The following ARB2A variants were observed in gnomAD, a reference collection of about 807,000 sequenced individuals.
ARB2A encodes the protein cotranscriptional regulator ARB2A.
the ARB2A span, among the ~76,000 whole-genome samples, chr5:94,001,304 TTTAG>T: frequency 5.3e-5 from 8 of 152,128 alleles, no homozygotes; most frequent in African/African-American, 1.9e-4. Flanking sequence ...TATTTAGTTC[TTTAG>T]TTTCTTTCAT....
chr5:93,694,196 A>G, the ARB2A span, among the ~76,000 whole-genome samples: 1 of 152,224 alleles, frequency 6.6e-6, no homozygotes, highest in Non-Finnish European at 1.5e-5. Flanking sequence ...CAGGGAGATC[A>G]GGCAAGAGAA....
chr5:94,050,738 A>G, the ARB2A span: 67 of 1,599,712 alleles, frequency 4.2e-5, no homozygotes, highest in Non-Finnish European at 5.7e-5. Context: ...TACCTCTCCT[A>G]GAGCCTCGTA....
the ARB2A span, among the ~76,000 whole-genome samples, chr5:93,682,242 TA>T: frequency 0.3 from 40,792 of 136,484 alleles, 5,616 homozygotes; most frequent in Non-Finnish European, 0.33. Context: ...CAGTCTAACT[TA>T]AAAAAAAAAA....
the ARB2A span, among the ~76,000 whole-genome samples, chr5:93,931,401 T>C: frequency 2.0e-5 from 3 of 152,006 alleles, no homozygotes; most frequent in Admixed American, 6.6e-5. Context: ...GAGGCGGAGA[T>C]TGCAGTGAGC....
chr5:93,683,575 C>G, the ARB2A span: 1 of 1,443,760 alleles, frequency 6.9e-7, no homozygotes, highest in South Asian at 1.1e-5. Flanking sequence ...CAGCCCTAAA[C>G]TGGCCGTTCT....
chr5:93,929,951 T>A, the ARB2A span, among the ~76,000 whole-genome samples: 1 of 152,190 alleles, frequency 6.6e-6, no homozygotes, highest in Non-Finnish European at 1.5e-5. Context: ...TCTTCACTAA[T>A]CAGCAGGGTT....
chr5:94,052,941 AG>A, the ARB2A span, among the ~76,000 whole-genome samples: 1 of 152,216 alleles, frequency 6.6e-6, no homozygotes, highest in African/African-American at 2.4e-5. Context: ...ACTTGAATGA[AG>A]AATTTCACCA....
chr5:94,091,825 T>C, the ARB2A span, among the ~76,000 whole-genome samples: 1 of 152,174 alleles, frequency 6.6e-6, no homozygotes, highest in Non-Finnish European at 1.5e-5. Flanking sequence ...GAGAGTATAA[T>C]TGACTGATAT....
chr5:93,691,551 A>T, the ARB2A span, among the ~76,000 whole-genome samples: 1 of 152,158 alleles, frequency 6.6e-6, no homozygotes, highest in Admixed American at 6.5e-5. Flanking sequence ...CCTGCGTTTG[A>T]CTGGTGTACC....
chr5:94,056,051 T>TA, the ARB2A span: 1 of 449,102 alleles, frequency 2.2e-6, no homozygotes, highest in Non-Finnish European at 2.9e-6. Flanking sequence ...TGAACTCAGG[T>TA]AAAATGGCTT....
chr5:93,745,395 A>G, the ARB2A span, among the ~76,000 whole-genome samples: 4 of 152,176 alleles, frequency 2.6e-5, no homozygotes, highest in Non-Finnish European at 5.9e-5. Context: ...TTATAGACAT[A>G]CCATTTATTT....
chr5:93,996,321 A>C, the ARB2A span, among the ~76,000 whole-genome samples: 11 of 152,138 alleles, frequency 7.2e-5, no homozygotes, highest in Non-Finnish European at 1.5e-4. Context: ...ATAGATAATT[A>C]GGTTTTGAAA....
the ARB2A span, among the ~76,000 whole-genome samples, chr5:93,720,667 T>C: frequency 1.5e-4 from 23 of 152,208 alleles, no homozygotes; most frequent in Admixed American, 8.5e-4. Flanking sequence ...TGTTAGTAAC[T>C]TGTGATAAGG....
the ARB2A span, among the ~76,000 whole-genome samples, chr5:94,001,789 C>T: frequency 6.6e-6 from 1 of 152,066 alleles, no homozygotes; most frequent in Admixed American, 6.6e-5. Context: ...GTAATTCTAA[C>T]ATCCCTGCCA....
At chr5:93,655,869 C>G in the ARB2A span, among the ~76,000 whole-genome samples, 2 of 152,186 alleles carry the variant, frequency 1.3e-5, no homozygotes, top group African/African-American at 4.8e-5. Context: ...CTCAGTCACT[C>G]TTCATCCCAT....
At chr5:93,680,389 T>TC in the ARB2A span, among the ~76,000 whole-genome samples, 5 of 152,226 alleles carry the variant, frequency 3.3e-5, no homozygotes, top group East Asian at 9.6e-4. Context: ...AAACAGAGTC[T>TC]CAGAGAACTT....
At chr5:94,060,288 G>T in the ARB2A span, among the ~76,000 whole-genome samples, 1 of 151,988 alleles carries the variant, frequency 6.6e-6, no homozygotes, top group African/African-American at 2.4e-5. Flanking sequence ...GGAGGCGGAG[G>T]TTGCAGTGAG....
At chr5:93,918,527 T>A in the ARB2A span, among the ~76,000 whole-genome samples, 1 of 151,126 alleles carries the variant, frequency 6.6e-6, no homozygotes, top group Non-Finnish European at 1.5e-5. Flanking sequence ...GTTCAAGTGA[T>A]TCTCCTGCCT....
the ARB2A span, among the ~76,000 whole-genome samples, chr5:93,885,910 C>A: frequency 1.3e-5 from 2 of 151,624 alleles, no homozygotes; most frequent in Non-Finnish European, 3.0e-5. Flanking sequence ...AATAATAAAT[C>A]ATTTATCATT....
Sources: allele counts gnomAD v4.1 joint callset (sites outside exome capture counted in the v4.1 genomes callset), GRCh38; gene constraint gnomAD v4.1.1; transcripts MANE v1.5; gene names NCBI Gene and HGNC (gene_info 2026-07-23, HGNC 2026-07-21).